CNBD1: variants seen among roughly 807,000 people sequenced by gnomAD.
The protein encoded by CNBD1 is cyclic nucleotide binding domain containing 1.
CNBD1 carries 71 observed loss-of-function variants against 54.4 expected under a neutral mutation model. That is an observed-to-expected ratio of 1.30 (90% CI 1.08 to 1.59). The LOEUF (loss-of-function observed/expected upper bound fraction) is 1.59, where lower values mean the gene tolerates loss of function less well. Ranked by LOEUF, CNBD1 falls within the 40% of genes most tolerant of loss-of-function variation. The pLI is 0.00. For synonymous variants in CNBD1, 182 were observed against 170.7 expected, an observed-to-expected ratio of 1.07 and a Z score of -0.51; for missense variants, 659 against 518.0, an observed-to-expected ratio of 1.27 and a Z score of -2.64.
At chr8:87,327,050 G>T (rs183653067) in intron 8 of CNBD1, among the ~76,000 whole-genome samples, 57 of 149,974 alleles carry the variant, frequency 3.8e-4, no homozygotes, top group South Asian at 3.6e-3. Context: ...CAGATCTGTT[G>T]GAATACCCTG....
At chr8:86,953,152 A>G (rs966972909) in intron 4 of CNBD1, among the ~76,000 whole-genome samples, 4 of 152,172 alleles carry the variant, frequency 2.6e-5, no homozygotes, top group Non-Finnish European at 5.9e-5. Flanking sequence ...ATTTGTGGCT[A>G]TTATGAATGA....
chr8:87,003,297 G>T (rs1489500889), intron 4 of CNBD1, among the ~76,000 whole-genome samples: 1 of 152,106 alleles, frequency 6.6e-6, no homozygotes, highest in Non-Finnish European at 1.5e-5. Context: ...ATAATAAATT[G>T]ATTAAAAGGA....
intron 3 of CNBD1, among the ~76,000 whole-genome samples, chr8:86,927,733 G>A (rs903235635): frequency 1.3e-5 from 2 of 152,082 alleles, no homozygotes; most frequent in South Asian, 4.1e-4. Context: ...TCCATCAAAG[G>A]GACAAGGAGA....
At chr8:86,943,673 A>G (rs1807392920) in intron 4 of CNBD1, among the ~76,000 whole-genome samples, 1 of 152,140 alleles carries the variant, frequency 6.6e-6, no homozygotes, top group Non-Finnish European at 1.5e-5. Context: ...TGAGAAAAAG[A>G]GAGTTGGGAG....
chr8:87,347,148 T>G (rs1443544229), intron 8 of CNBD1, among the ~76,000 whole-genome samples: 1 of 152,200 alleles, frequency 6.6e-6, no homozygotes, highest in Non-Finnish European at 1.5e-5. Flanking sequence ...CAGATACAAC[T>G]GTACACTTTC....
At chr8:87,329,184 CT>C (rs1809758888) in intron 8 of CNBD1, among the ~76,000 whole-genome samples, 1 of 152,142 alleles carries the variant, frequency 6.6e-6, no homozygotes, top group East Asian at 1.9e-4. Flanking sequence ...AGACTACCTA[CT>C]GTACTGCCTT....
intron 10 of CNBD1, among the ~76,000 whole-genome samples, chr8:87,363,842 G>A (rs1289120968): frequency 1.3e-5 from 2 of 151,996 alleles, no homozygotes; most frequent in African/African-American, 4.8e-5. Flanking sequence ...TTGCTGTGCA[G>A]AAGCTCTTTA....
intron 8 of CNBD1, among the ~76,000 whole-genome samples, chr8:87,317,326 G>A (rs1284113443): frequency 2.0e-5 from 3 of 151,202 alleles, no homozygotes; most frequent in African/African-American, 7.3e-5. Context: ...GCCATTTAAT[G>A]CTGTTCTAAG....
chr8:87,316,014 C>A (rs1054592877), intron 8 of CNBD1, among the ~76,000 whole-genome samples: 4 of 151,790 alleles, frequency 2.6e-5, no homozygotes, highest in African/African-American at 9.7e-5. Context: ...ATTTAAAAAT[C>A]ATAAAATAGG....
intron 5 of CNBD1, among the ~76,000 whole-genome samples, chr8:87,235,943 G>A (rs79730827): frequency 0.012 from 1,780 of 152,134 alleles, 10 homozygotes; most frequent in Non-Finnish European, 0.016. Context: ...CTTTAAAGAA[G>A]CATGAAAATC....
In CNBD1 at chr8:87,353,700, G is replaced by A. The variant is rs770897591; in HGVS notation, c.1217G>A (p.Ser406Asn). The change falls in exon 10 of 11, where the codon AGC (serine) becomes AAC (asparagine). Residue 406 changes from serine to asparagine, a missense_variant. Coordinates refer to ENST00000518476, the MANE Select transcript of CNBD1 (RefSeq NM_173538.3). ...LKEKESFGEI[S>N]VLLQVPFTCT... ...GAGAAGGAGTCCTTTGGTGAGATTA[G>A]CGTCCTTCTTCAAGTTCCTTTCACG... 34 of 1,610,712 alleles carry A rather than the reference G, an allele frequency of 2.1e-5. No individual in the cohort carries two copies. The South Asian group carries it at 2.8e-4, about 13-fold the overall frequency.
Position 86,899,659 on chromosome 8 carries a change from T to G in CNBD1, c.159-5422T>G, listed in dbSNP as rs1333343404. ...TAATTTATAGGCTTAGGGATATAAA[T>G]CTGATGTTGTTGCTGCTGGCTTGCG... On this transcript the variant is annotated intron_variant, in intron 2 of 10. Transcript: ENST00000518476. Among the ~76,000 whole-genome samples, 3 of 152,304 alleles carry G rather than the reference T, an allele frequency of 2.0e-5. No homozygotes were observed. In the East Asian group the frequency reaches 5.8e-4, roughly 29 times the overall value.
intron 2 of CNBD1, among the ~76,000 whole-genome samples, chr8:87,396,560 TATC>T (rs1427728569): frequency 3.9e-5 from 6 of 151,914 alleles, no homozygotes; most frequent in Non-Finnish European, 8.8e-5. Flanking sequence ...TGTATTTAAA[TATC>T]ATTTTAATTT....
chr8:87,396,460 A>G (rs372149575), intron 2 of CNBD1, among the ~76,000 whole-genome samples: 1 of 152,002 alleles, frequency 6.6e-6, no homozygotes, highest in South Asian at 2.1e-4. Flanking sequence ...GTTATTTATA[A>G]TACTATGTAT....
Position 87,143,950 on chromosome 8 carries a change from C to T in CNBD1, c.432-62043C>T, listed in dbSNP as rs115283815. ...GGGTCCCTATGATAAAATAACACTG[C>T]GTCCTGGGTAAATTATGACAAATAC... On this transcript the variant is annotated intron_variant, in intron 4 of 10. Coordinates refer to ENST00000518476, the MANE Select transcript of CNBD1 (RefSeq NM_173538.3). 9.7e-3 allele frequency among the ~76,000 whole-genome samples: 1,483 copies of T among 152,256 alleles called. 34 individuals are homozygous for T. The highest frequency in any genetic ancestry group is 0.034 in the African/African-American group (1,405 of 41,556).
intron 2 of CNBD1, among the ~76,000 whole-genome samples, chr8:86,900,001 C>T (rs1271101184): frequency 6.6e-6 from 1 of 152,108 alleles, no homozygotes; most frequent in African/African-American, 2.4e-5. Flanking sequence ...CAAGTATCCA[C>T]TCACTTTCCC....
chr8:87,024,693 T>C (rs1809592255), intron 4 of CNBD1, among the ~76,000 whole-genome samples: 1 of 152,186 alleles, frequency 6.6e-6, no homozygotes. Flanking sequence ...TTGGTTTTTG[T>C]AGAAGTAATA....
intron 7 of CNBD1, among the ~76,000 whole-genome samples, chr8:87,285,466 G>A (rs1013152111): frequency 8.5e-5 from 13 of 152,246 alleles, no homozygotes; most frequent in African/African-American, 2.9e-4. Context: ...GGCTAGGGGC[G>A]GTGGCTCATG....
intron 4 of CNBD1, among the ~76,000 whole-genome samples, chr8:87,167,083 G>A (rs1203572379): frequency 6.6e-6 from 1 of 151,900 alleles, no homozygotes; most frequent in African/African-American, 2.4e-5. Flanking sequence ...TTAGGATAAA[G>A]TAATATTTAC....
Sources: gnomAD v4.1 joint callset for allele counts (sites outside exome capture counted in the v4.1 genomes callset) on GRCh38, gnomAD v4.1.1 for gene constraint, MANE v1.5 for transcripts, NCBI Gene and HGNC (gene_info 2026-07-23, HGNC 2026-07-21) for gene names.